CLIC4: variants seen among roughly 807,000 people sequenced by gnomAD.
CLIC4 encodes CLIC family member 4, also known as chloride intracellular channel protein 4.
Under a neutral mutation model 24.6 loss-of-function variants are expected in CLIC4, and 13 were observed. The observed-to-expected ratio is 0.53, with a 90% CI of 0.34 to 0.84. The LOEUF is 0.84. Ranked by LOEUF, CLIC4 falls within the 40% of genes least tolerant of loss-of-function variation. The pLI is 0.01. For synonymous variants in CLIC4, 104 were observed against 111.3 expected (o/e 0.93, Z 0.41); for missense variants, 227 against 301.7 (o/e 0.75, Z 1.83).
At chr1:24,818,029 A>T (rs950958850) in intron 3 of CLIC4, among the ~76,000 whole-genome samples, 8 of 152,224 alleles carry the variant, frequency 5.3e-5, no homozygotes, top group Non-Finnish European at 1.0e-4. Flanking sequence ...ATCAGAGATC[A>T]CTAATCACAG....
chr1:24,780,084 C>G (rs977452998), intron 1 of CLIC4, among the ~76,000 whole-genome samples: 8 of 152,196 alleles, frequency 5.3e-5, no homozygotes, highest in African/African-American at 1.4e-4. Flanking sequence ...AATATGTTCT[C>G]TGGCACATAC....
At chr1:24,824,683 G>C (rs1455083531) in intron 3 of CLIC4, among the ~76,000 whole-genome samples, 1 of 151,868 alleles carries the variant, frequency 6.6e-6, no homozygotes, top group East Asian at 1.9e-4. Flanking sequence ...TTCTCTTATA[G>C]CTATACTATT....
intron 1 of CLIC4, among the ~76,000 whole-genome samples, chr1:24,757,220 G>C (rs1432344765): frequency 1.3e-5 from 2 of 152,018 alleles, no homozygotes; most frequent in Non-Finnish European, 2.9e-5. Context: ...TAGTAGAGAC[G>C]GGGTTTCACC....
chr1:24,838,354 G>A (rs1639906385), intron 4 of CLIC4, among the ~76,000 whole-genome samples: 1 of 152,096 alleles, frequency 6.6e-6, no homozygotes, highest in South Asian at 2.1e-4. Flanking sequence ...TCTGAACTCT[G>A]TTAGTTTTTA....
At chr1:24,754,637 A>G (rs567818746) in intron 1 of CLIC4, among the ~76,000 whole-genome samples, 5 of 152,192 alleles carry the variant, frequency 3.3e-5, no homozygotes, top group Non-Finnish European at 5.9e-5. Context: ...CCTATTGTCC[A>G]AGGATGATTT....
chr1:24,808,555 G>A (rs1160473884), intron 2 of CLIC4, among the ~76,000 whole-genome samples: 3 of 148,026 alleles, frequency 2.0e-5, no homozygotes, highest in East Asian at 4.0e-4. Context: ...TCATTCTGTC[G>A]CCCAGGCTGG....
At chr1:24,822,958 GGTCTCAGGTC>G (rs1469822192) in intron 3 of CLIC4, among the ~76,000 whole-genome samples, 1 of 152,122 alleles carries the variant, frequency 6.6e-6, no homozygotes, top group African/African-American at 2.4e-5. Context: ...AGAACAAGGA[GGTCTCAGGTC>G]TTTATTGCTA....
intron 2 of CLIC4, among the ~76,000 whole-genome samples, chr1:24,802,242 T>A (rs552622502): frequency 6.6e-6 from 1 of 152,346 alleles, no homozygotes; most frequent in South Asian, 2.1e-4. Context: ...ATTATAGCTA[T>A]TTCAGAGTTG....
At chr1:24,820,604 A>G (rs911971954) in intron 3 of CLIC4, among the ~76,000 whole-genome samples, 1 of 152,124 alleles carries the variant, frequency 6.6e-6, no homozygotes, top group African/African-American at 2.4e-5. Context: ...GGTAGGTTCC[A>G]TATTTGCCAA....
At chr1:24,746,604 C>T (rs1413109752) in intron 1 of CLIC4, among the ~76,000 whole-genome samples, 4 of 152,308 alleles carry the variant, frequency 2.6e-5, no homozygotes, top group Admixed American at 1.3e-4. Flanking sequence ...AAGCCAGGCT[C>T]ATTCAGAGCT....
At chr1:24,766,642 T>A (rs1639002538) in intron 1 of CLIC4, among the ~76,000 whole-genome samples, 1 of 151,488 alleles carries the variant, frequency 6.6e-6, no homozygotes, top group Non-Finnish European at 1.5e-5. Context: ...TAGCTGGGAC[T>A]ACAGACATGT....
chr1:24,805,826 C>G (rs1036979519), intron 2 of CLIC4, among the ~76,000 whole-genome samples: 1 of 152,176 alleles, frequency 6.6e-6, no homozygotes, highest in African/African-American at 2.4e-5. Flanking sequence ...TTAAGCCACT[C>G]AAGTCTCTTA....
In CLIC4 at chr1:24,797,749, G is replaced by C. The variant is rs1234951196; in HGVS notation, c.80G>C (p.Ser27Thr). 6 of 1,608,746 alleles carry C rather than the reference G, an allele frequency of 3.7e-6. No individual in the cohort carries two copies. In the African/African-American group the frequency reaches 4.0e-5, roughly 11 times the overall value. ...TTTAATTCTGTTTTCCAGGCTGGCA[G>C]TGATGGTGAAAGCATAGGAAACTGC... ...PLIELFVKAG[S>T]DGESIGNCPF... The change falls in exon 2 of 6, where the codon AGT becomes ACT. Residue 27 changes from serine to threonine, a missense_variant. Ser to Thr is a moderately conservative substitution (Grantham distance 58). Transcript: ENST00000374379.
At chr1:24,775,923 G>T (rs879551521) in intron 1 of CLIC4, among the ~76,000 whole-genome samples, 1 of 151,064 alleles carries the variant, frequency 6.6e-6, no homozygotes, top group Non-Finnish European at 1.5e-5. Flanking sequence ...AATGATAAAT[G>T]ATAATTTATA....
At chr1:24,803,248 G>A (rs994602272) in intron 2 of CLIC4, among the ~76,000 whole-genome samples, 11 of 152,146 alleles carry the variant, frequency 7.2e-5, no homozygotes, top group Non-Finnish European at 1.5e-4. Context: ...TATGCCTACA[G>A]TGCTTATTTT....
At chr1:24,790,220 C>T (rs1054688164) in intron 1 of CLIC4, among the ~76,000 whole-genome samples, 2 of 152,134 alleles carry the variant, frequency 1.3e-5, no homozygotes, top group African/African-American at 2.4e-5. Flanking sequence ...TATAGGCGTG[C>T]GCCACCACAC....
intron 1 of CLIC4, among the ~76,000 whole-genome samples, chr1:24,761,465 CA>C (rs993830937): frequency 6.6e-6 from 1 of 152,094 alleles, no homozygotes; most frequent in African/African-American, 2.4e-5. Context: ...TTGAAGGAAT[CA>C]GCATGTGTAA....
intron 1 of CLIC4, among the ~76,000 whole-genome samples, chr1:24,773,075 C>T (rs1473944725): frequency 1.3e-5 from 2 of 152,148 alleles, no homozygotes; most frequent in South Asian, 4.1e-4. Context: ...TAAAAGTCCC[C>T]CACATATCTC....
chr1:24,782,176 T>C (rs1176726289), intron 1 of CLIC4, among the ~76,000 whole-genome samples: 2 of 152,162 alleles, frequency 1.3e-5, no homozygotes, highest in African/African-American at 2.4e-5. Flanking sequence ...TGTACTGTTA[T>C]AAGCTGAACT....
Sources: gnomAD v4.1 joint callset for allele counts (sites outside exome capture counted in the v4.1 genomes callset) on GRCh38, gnomAD v4.1.1 for gene constraint, MANE v1.5 for transcripts, NCBI Gene and HGNC (gene_info 2026-07-23, HGNC 2026-07-21) for gene names.